DGKB: variants seen among roughly 807,000 people sequenced by gnomAD.
DGKB encodes 90 kDa diacylglycerol kinase.
Under a neutral mutation model 114.3 loss-of-function variants are expected in DGKB, and 67 were observed. The ratio of observed to expected loss-of-function variants is 0.59; its 90% CI spans 0.48 to 0.72. DGKB has a LOEUF of 0.72. Ranked by LOEUF, DGKB falls within the 30% of genes least tolerant of loss-of-function variation. The pLI is 0.00. For missense variants in DGKB, 907 were observed against 975.2 expected (o/e 0.93, Z 0.93); for synonymous variants, 398 against 323.1 (o/e 1.23, Z -2.49).
At chr7:14,682,882 T>C in intron 10 of DGKB, 41 bp from the exon 11 acceptor site, 1 of 1,389,708 alleles carries the variant, frequency 7.2e-7, no homozygotes, top group East Asian at 2.5e-5. Flanking sequence ...CTAATCCTGG[T>C]CCTGGTTGTA....
chr7:14,758,762 T>C (rs2128448983), intron 2 of DGKB, among the ~76,000 whole-genome samples: 1 of 152,290 alleles, frequency 6.6e-6, no homozygotes, highest in East Asian at 1.9e-4. Flanking sequence ...GCTAGAAAAC[T>C]CTCTCATAGA....
At position 14,793,337 on chromosome 7, in the gene DGKB, T is replaced by C. The variant is rs116543001; in HGVS notation, c.71-35606A>G. Among the ~76,000 whole-genome samples the C allele has an allele frequency of 3.0e-3, 457 of 152,202 alleles. 1 individual carries two copies. The highest frequency in any genetic ancestry group is 0.01 in the African/African-American group (432 of 41,564). ...AATCCTGCCTGATTGGGTCATGCAT[T>C]CCTACCACAGCTACCCCAAGAAAAC... On this transcript the variant is annotated intron_variant, in intron 2 of 25. Coordinates refer to ENST00000402815, the MANE Select transcript of DGKB (RefSeq NM_001350709.2).
chr7:14,228,884 C>CTGTGTGTGTGTG (rs71548072), intron 23 of DGKB, among the ~76,000 whole-genome samples: 30,932 of 148,544 alleles, frequency 0.21, 3,213 homozygotes, highest in Middle Eastern at 0.33. Flanking sequence ...AGTTTTTTTT[C>CTGTGTGTGTGTG]TGTGTGTGTG....
Position 14,879,496 on chromosome 7 carries a change from C to T in DGKB, c.-188+23096G>A, listed in dbSNP as rs543534647. 3.9e-5 allele frequency among the ~76,000 whole-genome samples: 6 copies of T among 152,248 alleles called. No individual in the cohort carries two copies. The East Asian group carries it at 1.2e-3, about 29-fold the overall frequency. ...TCAGGCTCTCTTAAAGTAAAACTTG[C>T]TTTCTATGTAAATATTTATGTCTTT... On this transcript the variant is annotated intron_variant, in intron 1 of 25. Transcript: ENST00000402815.
At chr7:14,760,363 G>C (rs891561065) in intron 2 of DGKB, among the ~76,000 whole-genome samples, 2 of 152,028 alleles carry the variant, frequency 1.3e-5, no homozygotes, top group African/African-American at 4.8e-5. Context: ...TAAATATTGA[G>C]ATTAAATTAA....
chr7:14,948,037 C>A (rs1033644996), intron 1 of DGKB, among the ~76,000 whole-genome samples: 3 of 151,638 alleles, frequency 2.0e-5, no homozygotes, highest in African/African-American at 7.3e-5. Flanking sequence ...GTTATATTTT[C>A]ACAAATTTAA....
chr7:14,497,571 G>C (rs1252061597), intron 20 of DGKB, among the ~76,000 whole-genome samples: 1 of 151,718 alleles, frequency 6.6e-6, no homozygotes, highest in Non-Finnish European at 1.5e-5. Flanking sequence ...TGTGCTTTCA[G>C]CCAGGCATAA....
Position 14,881,806 on chromosome 7 carries a change from T to C in DGKB, c.-188+20786A>G, listed in dbSNP as rs553622636. On this transcript the variant is annotated intron_variant, in intron 1 of 25. Coordinates refer to ENST00000402815, the MANE Select transcript of DGKB (RefSeq NM_001350709.2). Reference sequence around the variant, plus strand: ...CTTTCAGAAAAATTTAAATAACTTTTGTCCAAAAGAAAAACAAATGACTTT... The same window carrying C: ...CTTTCAGAAAAATTTAAATAACTTTCGTCCAAAAGAAAAACAAATGACTTT... Among the ~76,000 whole-genome samples the C allele has an allele frequency of 2.6e-5, 4 of 152,186 alleles. No individual in the cohort carries two copies. The East Asian group carries it at 7.7e-4, about 29-fold the overall frequency.
chr7:14,217,849 T>G (rs568778382), intron 23 of DGKB, among the ~76,000 whole-genome samples: 14 of 152,218 alleles, frequency 9.2e-5, no homozygotes, highest in South Asian at 2.1e-4. Context: ...TTCTCACTTT[T>G]TATCTTTTCT....
intron 10 of DGKB, among the ~76,000 whole-genome samples, chr7:14,684,362 G>A (rs1228708472): frequency 6.6e-6 from 1 of 152,110 alleles, no homozygotes; most frequent in Non-Finnish European, 1.5e-5. Flanking sequence ...ACAATGGAAT[G>A]TATCTAATGA....
intron 2 of DGKB, among the ~76,000 whole-genome samples, chr7:14,797,300 G>A (rs183426851): frequency 1.3e-5 from 2 of 152,170 alleles, no homozygotes; most frequent in Admixed American, 1.3e-4. Context: ...CTTGAGGAAG[G>A]ACCCCAATGC....
intron 2 of DGKB, among the ~76,000 whole-genome samples, chr7:14,832,810 C>T (rs1256252744): frequency 1.3e-5 from 2 of 152,040 alleles, no homozygotes; most frequent in Non-Finnish European, 2.9e-5. Flanking sequence ...CTCATCTATG[C>T]CCATGATTTG....
chr7:14,877,381 C>A (rs568054072), intron 1 of DGKB, among the ~76,000 whole-genome samples: 69 of 152,214 alleles, frequency 4.5e-4, no homozygotes, highest in Middle Eastern at 3.4e-3. Flanking sequence ...CATGGAGAAA[C>A]CCCGTCTCTA....
chr7:14,925,490 G>T (rs1169763487), intron 1 of DGKB, among the ~76,000 whole-genome samples: 1 of 152,108 alleles, frequency 6.6e-6, no homozygotes, highest in Non-Finnish European at 1.5e-5. Flanking sequence ...GTCAATTTAT[G>T]GAGTATTGAT....
chr7:14,333,717 A>G (rs79556475), intron 23 of DGKB, among the ~76,000 whole-genome samples: 3,332 of 152,270 alleles, frequency 0.022, 124 homozygotes, highest in African/African-American at 0.075. Flanking sequence ...TAAATCAATT[A>G]GAGTAACTAA....
chr7:14,207,437 G>T (rs1787015625), intron 23 of DGKB, among the ~76,000 whole-genome samples: 1 of 151,968 alleles, frequency 6.6e-6, no homozygotes. Context: ...AGGGCATGGA[G>T]TCCGAAGTCC....
chr7:14,567,509 T>TA (rs1797743473), intron 20 of DGKB, among the ~76,000 whole-genome samples: 1 of 93,426 alleles, frequency 1.1e-5, no homozygotes, highest in Non-Finnish European at 2.0e-5. Context: ...AATTATATAA[T>TA]TATATATTTA....
intron 13 of DGKB, among the ~76,000 whole-genome samples, chr7:14,665,546 C>G (rs1184880064): frequency 6.6e-6 from 1 of 151,908 alleles, no homozygotes; most frequent in Non-Finnish European, 1.5e-5. Flanking sequence ...AATATTGTTT[C>G]TAAATTATAA....
chr7:14,928,294 C>G (rs537088231), intron 1 of DGKB, among the ~76,000 whole-genome samples: 1 of 151,956 alleles, frequency 6.6e-6, no homozygotes, highest in East Asian at 1.9e-4. Flanking sequence ...ATTCAAAAAA[C>G]TTTAACCATC....
Sources: gnomAD v4.1 joint callset for allele counts (sites outside exome capture counted in the v4.1 genomes callset) on GRCh38, gnomAD v4.1.1 for gene constraint, MANE v1.5 for transcripts, NCBI Gene and HGNC (gene_info 2026-07-23, HGNC 2026-07-21) for gene names.